Variants in ANKDD1A observed in about 807,000 individuals in gnomAD.
The protein encoded by ANKDD1A is ankyrin repeat and death domain containing 1A.
ANKDD1A carries 59 observed loss-of-function variants against 63.5 expected under a neutral mutation model. The observed-to-expected ratio is 0.93, with a 90% confidence interval of 0.75 to 1.15. ANKDD1A has a LOEUF of 1.15. ANKDD1A is among the 50% of genes most tolerant of loss of function. The probability of loss-of-function intolerance (pLI) is 0.00; values close to 1 mark genes in which losing one functional copy is unlikely to be tolerated. For synonymous variants in ANKDD1A, 266 were observed against 263.9 expected (o/e 1.01, Z -0.08); for missense variants, 632 against 656.4 (o/e 0.96, Z 0.41).
chr15:64,951,348 C>CTCTT (rs2085270567), intron 14 of ANKDD1A: 1 of 568,318 alleles, frequency 1.8e-6, no homozygotes, highest in Non-Finnish European at 2.1e-6. Flanking sequence ...TTCTTCTTTC[C>CTCTT]TCTTCTTTCT....
At chr15:64,951,619 TTCTTC>T (rs141006375) in intron 14 of ANKDD1A, among the ~76,000 whole-genome samples, 70,706 of 136,838 alleles carry the variant, frequency 0.52, 19,431 homozygotes, top group East Asian at 0.84. Flanking sequence ...TTCCTTATTC[TTCTTC>T]TCTTCTTTTC....
At chr15:64,950,082 A>G in intron 14 of ANKDD1A, 110 bp downstream of exon 14, 1 of 1,529,006 alleles carries the variant, frequency 6.5e-7, no homozygotes, top group Non-Finnish European at 8.8e-7. Context: ...TGCTGGCTCT[A>G]GGCCTTCCAG....
chr15:64,911,935 A>T lies in ANKDD1A; in HGVS notation c.5A>T (p.Gln2Leu). The T allele has an allele frequency of 8.5e-7, 1 of 1,180,688 alleles. No homozygotes were observed. Among genetic ancestry groups the T allele is most frequent in the Non-Finnish European group, 1.1e-6 (1 of 950,516 alleles). The allele number at this position is 1,180,688 out of a possible 1,614,324, so 73.1% of individuals were successfully genotyped here. A position where few individuals can be genotyped will look rare whatever the true frequency, so the allele number is the denominator to read the frequency against. The change falls in exon 1 of 15, where the codon CAG becomes CTG. Residue 2 changes from glutamine (Q) to leucine (L), a missense_variant. Transcript: ENST00000319580. M[Q>L]EELAWETDGL... ...CAGGGGCTGCGGAGCGGCAGGATGC[A>T]GGAGGAGCTGGCGTGGGAGACCGAC...
At chr15:64,913,908 C>T (rs1051672731) in intron 1 of ANKDD1A, 18 of 152,144 alleles carry the variant, frequency 1.2e-4, no homozygotes, top group African/African-American at 4.1e-4. Flanking sequence ...TATGTGTGAG[C>T]ACTTTGGGAG....
intron 11 of ANKDD1A, 48 bp downstream of exon 11, chr15:64,943,630 C>G: frequency 6.4e-7 from 1 of 1,571,978 alleles, no homozygotes; most frequent in Non-Finnish European, 8.7e-7. Flanking sequence ...ATGGCTCCCC[C>G]CTTGCCAGAG....
chr15:64,947,586 G>C lies in ANKDD1A; in HGVS notation c.1344G>C (p.Gln448His). The C allele has an allele frequency of 1.2e-6, 2 of 1,613,944 alleles. No homozygotes were observed. The highest frequency in any genetic ancestry group is 1.7e-6 in the Non-Finnish European group (2 of 1,179,964). ...CACATGTCGACGCCATCGAGCAACA[G>C]TGGACAGGTACCACCTTGCCTCTCC... is the stretch of plus-strand genomic sequence containing the variant. ...TEAHVDAIEQ[Q>H]WTGTRSYQEH... Residue 448 changes from glutamine (Q) to histidine (H), a missense_variant, in exon 13 of 15, where the codon CAG becomes CAC. Coordinates refer to ENST00000319580, the MANE Select transcript of ANKDD1A (RefSeq NM_182703.6).
At chr15:64,927,755 C>T (rs970649231) in intron 6 of ANKDD1A, among the ~76,000 whole-genome samples, 9 of 152,128 alleles carry the variant, frequency 5.9e-5, no homozygotes, top group African/African-American at 2.2e-4. Context: ...TAGGCGCCCG[C>T]CACCACACCC....
At chr15:64,953,641 C>CTTCTTTCTCCTTCT (rs1595860389) in intron 14 of ANKDD1A, among the ~76,000 whole-genome samples, 202 of 4,080 alleles carry the variant, frequency 0.05, no homozygotes, top group African/African-American at 0.11. Flanking sequence ...CTTCTTCTTC[C>CTTCTTTCTCCTTCT]TCTTCCTTCT....
In ANKDD1A at chr15:64,934,215, G is replaced by C; in HGVS notation, c.848G>C (p.Cys283Ser). The change falls in exon 9 of 15, where the codon TGC becomes TCC. Residue 283 changes from cysteine to serine, a missense_variant. Cys to Ser is a moderately radical substitution (Grantham distance 112). Transcript: ENST00000319580. ...CGGGTCCTCATCCACGCAGGAGGCT[G>C]CGCCAACGTGGTTGATCATGTAAGT... ...VSRVLIHAGGCANVVDHQGAS... is the reference protein window; with the variant it reads ...VSRVLIHAGGSANVVDHQGAS... The C allele has an allele frequency of 6.2e-7, 1 of 1,612,050 alleles. No individual in the cohort carries two copies. The highest frequency in any genetic ancestry group is 8.5e-7 in the Non-Finnish European group (1 of 1,179,050).
In ANKDD1A at chr15:64,956,892, T is replaced by C. The variant is rs113583834; in HGVS notation, c.1484-211T>C. On this transcript the variant is annotated intron_variant, in intron 14 of 14. Coordinates refer to ENST00000319580, the MANE Select transcript of ANKDD1A (RefSeq NM_182703.6). Reference sequence around the variant, plus strand: ...AAAACTTAAGAAAAATTCTAAAACATATTTGTGATCTATTACGTTATGATA... The same window carrying C: ...AAAACTTAAGAAAAATTCTAAAACACATTTGTGATCTATTACGTTATGATA... Among the ~76,000 whole-genome samples, 1,139 of 152,254 alleles carry C rather than the reference T, an allele frequency of 7.5e-3. 50 individuals carry two copies. In the South Asian group the frequency reaches 0.12, roughly 16 times the overall value.
chr15:64,941,409 G>A (rs1311472393), intron 9 of ANKDD1A, among the ~76,000 whole-genome samples: 2 of 152,196 alleles, frequency 1.3e-5, no homozygotes, highest in Non-Finnish European at 2.9e-5. Flanking sequence ...CATGGTACCA[G>A]CATCTTGTAA....
At chr15:64,916,633 G>A (rs1439694246) in intron 2 of ANKDD1A, among the ~76,000 whole-genome samples, 1 of 152,184 alleles carries the variant, frequency 6.6e-6, no homozygotes, top group Non-Finnish European at 1.5e-5. Context: ...TGCCAGAAGT[G>A]GCATTTTTGA....
At position 64,921,915 on chromosome 15, in the gene ANKDD1A, C is replaced by A; in HGVS notation, c.268-6C>A. On this transcript the variant is annotated splice_region_variant and splice_polypyrimidine_tract_variant and intron_variant, in intron 3 of 14. Coordinates refer to ENST00000319580, the MANE Select transcript of ANKDD1A (RefSeq NM_182703.6). ...CTTCTCACCTCCTCTATGTCCTCTC[C>A]CCTAGTTTGGGATGAATGCGCTTCT... 6.2e-7 allele frequency: 1 copy of A among 1,613,832 alleles called. No homozygotes were observed. The highest frequency in any genetic ancestry group is 1.1e-5 in the South Asian group (1 of 91,056).
At chr15:64,951,111 T>C in intron 14 of ANKDD1A, 2 of 1,169,630 alleles carry the variant, frequency 1.7e-6, no homozygotes, top group Non-Finnish European at 2.2e-6. Flanking sequence ...AAAAAATCAC[T>C]GTTAACAGAC....
At chr15:64,922,095 C>T in intron 4 of ANKDD1A, 76 bp downstream of exon 4, 1 of 1,345,866 alleles carries the variant, frequency 7.4e-7, no homozygotes, top group Non-Finnish European at 1.0e-6. Context: ...CGACCTCTGT[C>T]CCCCACCCCT....
chr15:64,932,338 G>A (rs187763536), intron 8 of ANKDD1A: 10 of 152,280 alleles, frequency 6.6e-5, no homozygotes, highest in Non-Finnish European at 1.2e-4. Flanking sequence ...AAGCTAGTAC[G>A]AGGCAAAGCT....
chr15:64,927,094 G>A (rs946458915), intron 6 of ANKDD1A, 95 bp downstream of exon 6: 24 of 1,301,340 alleles, frequency 1.8e-5, no homozygotes, highest in African/African-American at 1.0e-4. Context: ...GTCTGACTCC[G>A]ATTGCGCTGG....
chr15:64,922,333 T>A (rs961778335), intron 4 of ANKDD1A: 1 of 342,212 alleles, frequency 2.9e-6, no homozygotes, highest in African/African-American at 2.1e-5. Flanking sequence ...CCCCTTGTGC[T>A]CAGTGCGGTG....
At chr15:64,928,572 C>T (rs2085064748) in intron 6 of ANKDD1A, among the ~76,000 whole-genome samples, 1 of 152,158 alleles carries the variant, frequency 6.6e-6, no homozygotes, top group Admixed American at 6.5e-5. Flanking sequence ...GGGAGTGGGG[C>T]ACGGTAAGTT....
Sources: gnomAD v4.1 joint callset for allele counts (sites outside exome capture counted in the v4.1 genomes callset) on GRCh38, gnomAD v4.1.1 for gene constraint, MANE v1.5 for transcripts, NCBI Gene and HGNC (gene_info 2026-07-23, HGNC 2026-07-21) for gene names.